The following SGCD variants were observed in gnomAD, a reference collection of about 807,000 sequenced individuals.
The protein encoded by SGCD is delta-sarcoglycan.
SGCD carries 18 observed loss-of-function variants against 36.6 expected under a neutral mutation model. The observed-to-expected ratio is 0.49, with a 90% CI of 0.34 to 0.73. SGCD has a LOEUF of 0.73. Ranked by LOEUF, SGCD falls within the 30% of genes least tolerant of loss-of-function variation. The pLI is 0.01. For synonymous variants in SGCD, 133 were observed against 130.6 expected, an observed-to-expected ratio of 1.02 and a Z score of -0.12; for missense variants, 387 against 346.7, an observed-to-expected ratio of 1.12 and a Z score of -0.92.
the SGCD span, among the ~76,000 whole-genome samples, chr5:155,749,416 C>T: frequency 9.9e-5 from 15 of 152,212 alleles, no homozygotes; most frequent in Non-Finnish European, 2.2e-4. Context: ...TATGATTATA[C>T]AGTTGATTCG....
intron 1 of SGCD, among the ~76,000 whole-genome samples, chr5:155,880,861 C>G (rs1486291303): frequency 6.6e-6 from 1 of 152,038 alleles, no homozygotes; most frequent in Non-Finnish European, 1.5e-5. Flanking sequence ...ATCGTCTGAA[C>G]CAGATCTATC....
chr5:156,149,531 A>C (rs939788560), intron 3 of SGCD, among the ~76,000 whole-genome samples: 6 of 152,158 alleles, frequency 3.9e-5, no homozygotes, highest in East Asian at 1.9e-4. Context: ...TTCTCAGTAA[A>C]GGGCAGCCCT....
chr5:155,853,126 T>G, the SGCD span, among the ~76,000 whole-genome samples: 13 of 151,798 alleles, frequency 8.6e-5, no homozygotes, highest in Admixed American at 5.3e-4. Flanking sequence ...ACATCCATTA[T>G]TATAATATAA....
intron 3 of SGCD, among the ~76,000 whole-genome samples, chr5:156,465,863 C>T (rs1055176300): frequency 6.6e-6 from 1 of 152,214 alleles, no homozygotes; most frequent in Admixed American, 6.5e-5. Context: ...TTTGCAGCAA[C>T]AGGACTCAGC....
In SGCD at chr5:155,905,256, A is replaced by G. The variant is rs530883784; in HGVS notation, c.-282+34832A>G. ...CAGCCATAAACACTGAATGGATTAAAGAAAGCTGATGCAAAAGTCATGATA... is the reference window on the plus strand; with the variant it reads ...CAGCCATAAACACTGAATGGATTAAGGAAAGCTGATGCAAAAGTCATGATA... On this transcript the variant is annotated intron_variant, in intron 1 of 9. Transcript: ENST00000517913. Among the ~76,000 whole-genome samples the G allele has an allele frequency of 3.9e-5, 6 of 152,322 alleles. No individual in the cohort carries two copies. The South Asian group carries it at 1.2e-3, about 32-fold the overall frequency.
intron 1 of SGCD, among the ~76,000 whole-genome samples, chr5:155,939,074 A>G (rs543292602): frequency 2.0e-5 from 3 of 152,336 alleles, no homozygotes; most frequent in Admixed American, 1.3e-4. Flanking sequence ...GTTTGGTGAC[A>G]TGTTGGTCAA....
At chr5:156,671,470 C>T (rs1347493102) in intron 7 of SGCD, among the ~76,000 whole-genome samples, 1 of 152,030 alleles carries the variant, frequency 6.6e-6, no homozygotes, top group Non-Finnish European at 1.5e-5. Context: ...GAAGGGGTTT[C>T]ACCATGTTGG....
At chr5:156,195,543 A>G (rs1204223734) in intron 3 of SGCD, among the ~76,000 whole-genome samples, 3 of 152,190 alleles carry the variant, frequency 2.0e-5, no homozygotes, top group Non-Finnish European at 4.4e-5. Flanking sequence ...GAATTAAATC[A>G]TTCAAATCAT....
intron 6 of SGCD, among the ~76,000 whole-genome samples, chr5:156,619,665 G>A (rs373417667): frequency 2.2e-4 from 33 of 152,204 alleles, no homozygotes; most frequent in Middle Eastern, 6.8e-3. Flanking sequence ...GAGGCCAAGG[G>A]GAATGTTGGT....
intron 1 of SGCD, among the ~76,000 whole-genome samples, chr5:156,111,779 A>T (rs1190609209): frequency 1.2e-4 from 18 of 144,258 alleles, no homozygotes; most frequent in African/African-American, 4.0e-4. Context: ...ATAGAGGTGT[A>T]TTTTTTTTTT....
At position 156,657,746 on chromosome 5, in the gene SGCD, C is replaced by T. The variant is rs573872669; in HGVS notation, c.575+10210C>T. Among the ~76,000 whole-genome samples the T allele has an allele frequency of 2.3e-3, 350 of 151,286 alleles. 1 individual carries two copies. Among genetic ancestry groups the T allele is most frequent in the African/African-American group, 7.3e-3 (299 of 41,144 alleles). On this transcript the variant is annotated intron_variant, in intron 7 of 8. Coordinates refer to ENST00000337851, the MANE Select transcript of SGCD (RefSeq NM_000337.6). ...CCCCTACACACCTGTGGGTGTTTCT[C>T]GTAAGGTGGGACGAGAGATTTGGAA...
chr5:156,409,521 G>T (rs1326829752), intron 3 of SGCD, among the ~76,000 whole-genome samples: 2 of 152,220 alleles, frequency 1.3e-5, no homozygotes, highest in East Asian at 3.9e-4. Flanking sequence ...GCCCTTATTT[G>T]CAGCATACCC....
chr5:156,003,556 C>T (rs1416474555), intron 1 of SGCD, among the ~76,000 whole-genome samples: 1 of 152,140 alleles, frequency 6.6e-6, no homozygotes, highest in African/African-American at 2.4e-5. Context: ...CTAAAAGTAG[C>T]CTCGTCCAGT....
chr5:156,019,723 C>G (rs1382217364), intron 1 of SGCD, among the ~76,000 whole-genome samples: 1 of 152,214 alleles, frequency 6.6e-6, no homozygotes, highest in African/African-American at 2.4e-5. Flanking sequence ...ATCCATCCAG[C>G]ATGACATCAT....
chr5:155,964,457 G>T (rs1757862504), intron 1 of SGCD, among the ~76,000 whole-genome samples: 1 of 151,942 alleles, frequency 6.6e-6, no homozygotes, highest in African/African-American at 2.4e-5. Flanking sequence ...TCCTCCCTCA[G>T]CCTCCCGAAT....
chr5:156,096,116 C>T (rs1316637324), intron 1 of SGCD, among the ~76,000 whole-genome samples: 1 of 152,176 alleles, frequency 6.6e-6, no homozygotes, highest in Non-Finnish European at 1.5e-5. Context: ...GGAAGTTCCC[C>T]AGAGCCCCAG....
At chr5:156,447,910 A>C (rs542508447) in intron 3 of SGCD, among the ~76,000 whole-genome samples, 2 of 152,178 alleles carry the variant, frequency 1.3e-5, no homozygotes, top group Non-Finnish European at 2.9e-5. Flanking sequence ...TTATTACCCT[A>C]TGAGGTATAA....
chr5:156,543,780 AT>A (rs972680132), intron 4 of SGCD, among the ~76,000 whole-genome samples: 1 of 152,244 alleles, frequency 6.6e-6, no homozygotes, highest in Admixed American at 6.5e-5. Context: ...CAGAAACCAC[AT>A]TTATGGCTCT....
chr5:155,819,923 C>G, the SGCD span, among the ~76,000 whole-genome samples: 1 of 152,162 alleles, frequency 6.6e-6, no homozygotes, highest in Non-Finnish European at 1.5e-5. Context: ...CAATATTAGC[C>G]TCTCCCTTAT....
Sources: allele counts gnomAD v4.1 joint callset (sites outside exome capture counted in the v4.1 genomes callset), GRCh38; gene constraint gnomAD v4.1.1; transcripts MANE v1.5; gene names NCBI Gene and HGNC (gene_info 2026-07-23, HGNC 2026-07-21).